ZNF121: variants seen among roughly 807,000 people sequenced by gnomAD.
The protein encoded by ZNF121 is zinc finger protein 121 (clone ZHC32).
ZNF121 carries 1 observed loss-of-function variant against 2.4 expected under a neutral mutation model. The observed-to-expected ratio is 0.41, with a 90% CI of 0.15 to 1.94. The LOEUF (loss-of-function observed/expected upper bound fraction) is 1.94. Ranked by LOEUF, ZNF121 falls within the 30% of genes most tolerant of loss-of-function variation. ZNF121 has a pLI of 0.30. For missense variants in ZNF121, 369 were observed against 466.3 expected (o/e 0.79, Z 1.92); for synonymous variants, 173 against 158.6 (o/e 1.09, Z -0.68).
At chr19:9,572,505 C>T (rs945896717) in intron 1 of ZNF121, among the ~76,000 whole-genome samples, 17 of 152,246 alleles carry the variant, frequency 1.1e-4, no homozygotes, top group African/African-American at 4.1e-4. Flanking sequence ...ACCATCCCAG[C>T]CCTGGAAACT....
intron 3 of ZNF121, 27 bp from the exon 4 acceptor site, chr19:9,567,136 T>C (rs1487186099): frequency 2.6e-6 from 4 of 1,551,918 alleles, no homozygotes; most frequent in East Asian, 2.3e-5. Flanking sequence ...GAATGATGAT[T>C]AAAGGATTTT....
chr19:9,580,564 A>G (rs1344816674), intron 1 of ZNF121, among the ~76,000 whole-genome samples: 1 of 152,066 alleles, frequency 6.6e-6, no homozygotes, highest in Non-Finnish European at 1.5e-5. Flanking sequence ...CCACCCGTAA[A>G]CCTCTTGAAT....
chr19:9,572,061 C>T (rs140778382), intron 1 of ZNF121, among the ~76,000 whole-genome samples: 11 of 152,276 alleles, frequency 7.2e-5, no homozygotes, highest in Admixed American at 1.3e-4. Context: ...TTGTGCCCTG[C>T]CTGAAAATAC....
At chr19:9,574,614 T>C (rs1319974083) in intron 1 of ZNF121, among the ~76,000 whole-genome samples, 1 of 152,184 alleles carries the variant, frequency 6.6e-6, no homozygotes, top group African/African-American at 2.4e-5. Context: ...CCTCACATTT[T>C]GTACTTGTTT....
chr19:9,582,697 C>T (rs2074255833), intron 1 of ZNF121, among the ~76,000 whole-genome samples: 1 of 147,198 alleles, frequency 6.8e-6, no homozygotes, highest in South Asian at 2.2e-4. Context: ...TGCAGTGAGC[C>T]GAGATCGCAC....
chr19:9,577,565 G>A (rs971308309), intron 1 of ZNF121, among the ~76,000 whole-genome samples: 9 of 152,002 alleles, frequency 5.9e-5, no homozygotes, highest in African/African-American at 2.2e-4. Context: ...GAAAAAAAAT[G>A]GGAAGATATT....
intron 1 of ZNF121, among the ~76,000 whole-genome samples, chr19:9,576,746 G>C (rs990064145): frequency 2.0e-5 from 3 of 151,850 alleles, no homozygotes; most frequent in Admixed American, 6.6e-5. Flanking sequence ...GGGAAAAAAA[G>C]GACCCAAATA....
In ZNF121 at chr19:9,577,270, C is replaced by G. The variant is rs141511352; in HGVS notation, c.-160+7191G>C. On this transcript the variant is annotated intron_variant, in intron 1 of 3. Coordinates refer to ENST00000320451, the MANE Select transcript of ZNF121 (RefSeq NM_001008727.5). ...ACCAGCCTGGCCAATATGGTGAAAT[C>G]CTGTCTCTACTAAAAAAAAACACAA... 5.8e-3 allele frequency among the ~76,000 whole-genome samples: 882 copies of G among 151,982 alleles called. 12 individuals carry two copies. Among genetic ancestry groups the G allele is most frequent in the African/African-American group, 0.021 (850 of 41,460 alleles).
chr19:9,566,010 T>C lies in ZNF121; in HGVS notation c.1103A>G (p.Tyr368Cys). ...HVRIHTGEKPYICNECGKAYN... is the reference protein window; with the variant it reads ...HVRIHTGEKPCICNECGKAYN... ...GGCTTTCCCACATTCGTTACATATA[T>C]AGGGTTTCTCTCCAGTGTGAATTCT... is the stretch of plus-strand genomic sequence containing the variant. The change falls in exon 4 of 4, where the codon TAT (tyrosine) becomes TGT (cysteine). Residue 368 changes from tyrosine (Y) to cysteine (C), a missense_variant. Physicochemically the swap from Tyr to Cys is radical, Grantham distance 194. This residue lies in a region of ZNF121 where 127 missense variants were observed against 169.9 expected (regional missense o/e 0.75). Transcript: ENST00000320451. 6.2e-7 allele frequency: 1 copy of C among 1,613,130 alleles called. No individual in the cohort carries two copies. Among genetic ancestry groups the C allele is most frequent in the Non-Finnish European group, 8.5e-7 (1 of 1,179,648 alleles).
chr19:9,576,094 A>G (rs190135709), intron 1 of ZNF121, among the ~76,000 whole-genome samples: 1 of 152,250 alleles, frequency 6.6e-6, no homozygotes, highest in African/African-American at 2.4e-5. Flanking sequence ...AGAACAGGCC[A>G]TATCTTAGGC....
intron 1 of ZNF121, 113 bp downstream of exon 1, chr19:9,584,348 C>G (rs965839935): frequency 1.3e-5 from 2 of 152,204 alleles, no homozygotes; most frequent in Non-Finnish European, 2.9e-5. Context: ...ACCGACAGCC[C>G]CTGGAGAAGA....
At chr19:9,568,284 T>A in intron 2 of ZNF121, 109 bp from the exon 3 acceptor site, 1 of 488,924 alleles carries the variant, frequency 2.0e-6, no homozygotes, top group Non-Finnish European at 3.6e-6. Context: ...TTCAGCACAC[T>A]CAAAAAAATT....
In ZNF121 at chr19:9,561,896, G is replaced by GAAA; in HGVS notation, c.*4041_*4043dup. 9.4e-6 allele frequency: 1 copy of GAAA among 105,954 alleles called. No individual in the cohort carries two copies. The highest frequency in any genetic ancestry group is 2.1e-5 in the Non-Finnish European group (1 of 47,444). 6.6% of individuals were successfully genotyped at this position (105,954 alleles called of 1,614,324 possible). A position where few individuals can be genotyped will look rare whatever the true frequency, so the allele number is the denominator to read the frequency against. ...GCAAGACCCCAATGCAGACCAAAAA[G>GAAA]AAAAAAAAAAAAAAGGAAAAGAAAA... On this transcript the variant is annotated 3_prime_UTR_variant, in exon 4 of 4. Transcript: ENST00000320451.
chr19:9,582,361 C>T (rs1248621702), intron 1 of ZNF121, among the ~76,000 whole-genome samples: 3 of 152,124 alleles, frequency 2.0e-5, no homozygotes, highest in African/African-American at 4.8e-5. Context: ...TGTTCCTGCC[C>T]CAACCTAACT....
At chr19:9,569,739 G>A (rs2074159253) in intron 1 of ZNF121, among the ~76,000 whole-genome samples, 1 of 151,020 alleles carries the variant, frequency 6.6e-6, no homozygotes, top group South Asian at 2.1e-4. Context: ...CACCACATTG[G>A]CCAGGCTTGT....
intron 1 of ZNF121, among the ~76,000 whole-genome samples, chr19:9,576,836 A>G (rs189286012): frequency 1.4e-4 from 21 of 152,334 alleles, no homozygotes; most frequent in Admixed American, 1.3e-3. Context: ...AAAAAACTAT[A>G]TGCCAACAAA....
rs1443741752 is a variant in ZNF121 at position 9,562,043 on chromosome 19, T to C, written c.*3897A>G. 1 of 152,172 alleles carries C rather than the reference T, an allele frequency of 6.6e-6. No individual in the cohort carries two copies. Among genetic ancestry groups the C allele is most frequent in the Non-Finnish European group, 1.5e-5 (1 of 68,050 alleles). 9.4% of individuals were successfully genotyped at this position (152,172 alleles called of 1,614,324 possible). Reference sequence around the variant, plus strand: ...AGTCCTGTGGCAATGTCATGTCGAATAAATCTATAACACCATTTTTTCCAA... The same window carrying C: ...AGTCCTGTGGCAATGTCATGTCGAACAAATCTATAACACCATTTTTTCCAA... On this transcript the variant is annotated 3_prime_UTR_variant, in exon 4 of 4. Coordinates refer to ENST00000320451, the MANE Select transcript of ZNF121 (RefSeq NM_001008727.5).
chr19:9,578,663 A>G (rs954558316), intron 1 of ZNF121, among the ~76,000 whole-genome samples: 4 of 152,198 alleles, frequency 2.6e-5, no homozygotes, highest in Non-Finnish European at 5.9e-5. Flanking sequence ...AATGAACTAG[A>G]TGCCATCTCT....
At position 9,560,922 on chromosome 19, in the gene ZNF121, A is replaced by C. The variant is rs1305365599; in HGVS notation, c.*5018T>G. The C allele has an allele frequency of 6.6e-6, 1 of 152,240 alleles. No homozygotes were observed. Among genetic ancestry groups the C allele is most frequent in the Non-Finnish European group, 1.5e-5 (1 of 68,042 alleles). 9.4% of individuals were successfully genotyped at this position (152,240 alleles called of 1,614,324 possible). On this transcript the variant is annotated 3_prime_UTR_variant, in exon 4 of 4. Coordinates refer to ENST00000320451, the MANE Select transcript of ZNF121 (RefSeq NM_001008727.5). ...CTAAAGATAAGAACTGTGAATAAAA[A>C]CTGAATTCTGGTTAGTTGATTTTTA... is the stretch of plus-strand genomic sequence containing the variant.
Sources: allele counts gnomAD v4.1 joint callset (sites outside exome capture counted in the v4.1 genomes callset), GRCh38; gene constraint gnomAD v4.1.1; regional missense constraint gnomAD v4.1.1; transcripts MANE v1.5; gene names NCBI Gene and HGNC (gene_info 2026-07-23, HGNC 2026-07-21).